Variants in ABLIM1 observed in about 807,000 individuals in gnomAD.
The protein encoded by ABLIM1 is actin binding LIM protein 1.
ABLIM1 carries 40 observed loss-of-function variants against 107.0 expected under a neutral mutation model. That is an observed-to-expected ratio of 0.37 (90% CI 0.29 to 0.49). ABLIM1 has a LOEUF of 0.49. Ranked by LOEUF, ABLIM1 falls within the 20% of genes least tolerant of loss-of-function variation. ABLIM1 has a pLI of 0.97. For missense variants in ABLIM1, 857 were observed against 1,008.5 expected (o/e 0.85, Z 2.04); for synonymous variants, 357 against 357.3 (o/e 1.00, Z 0.01).
chr10:114,521,649 C>T (rs1479721721), intron 6 of ABLIM1, among the ~76,000 whole-genome samples: 1 of 151,848 alleles, frequency 6.6e-6, no homozygotes, highest in Non-Finnish European at 1.5e-5. Flanking sequence ...GGTAGTCAAC[C>T]CCCCTCCTTT....
At chr10:114,717,566 C>T (rs2081699960) in intron 1 of ABLIM1, among the ~76,000 whole-genome samples, 1 of 152,094 alleles carries the variant, frequency 6.6e-6, no homozygotes. Flanking sequence ...TGTCAAATGT[C>T]CCCTGAGGGG....
At chr10:114,527,674 T>G (rs1445908573) in intron 6 of ABLIM1, among the ~76,000 whole-genome samples, 1 of 150,696 alleles carries the variant, frequency 6.6e-6, no homozygotes, top group Admixed American at 6.6e-5. Context: ...TTTTTTTTTT[T>G]TTTGAGATGG....
chr10:114,643,736 C>A lies in ABLIM1; in HGVS notation c.244+14221G>T, dbSNP rs775392125. Reference sequence around the variant, plus strand: ...GGACCACAGACATGCATCATTATATCCAGCTAATTTTTAAATTTTTTTAGA... The same window carrying A: ...GGACCACAGACATGCATCATTATATACAGCTAATTTTTAAATTTTTTTAGA... On this transcript the variant is annotated intron_variant, in intron 1 of 22. Coordinates refer to ENST00000533213, the MANE Select transcript of ABLIM1 (RefSeq NM_002313.7). Among the ~76,000 whole-genome samples the A allele has an allele frequency of 3.6e-4, 55 of 151,892 alleles. 1 individual carries two copies. The highest frequency in any genetic ancestry group is 3.2e-3 in the Middle Eastern group (1 of 316).
the ABLIM1 span, among the ~76,000 whole-genome samples, chr10:114,797,563 C>G: frequency 6.6e-6 from 1 of 152,094 alleles, no homozygotes; most frequent in Non-Finnish European, 1.5e-5. Context: ...TTTTTTTAAC[C>G]CAGTGCAATC....
At chr10:114,657,901 T>G in intron 1 of ABLIM1, 56 bp downstream of exon 1, 3 of 1,432,340 alleles carry the variant, frequency 2.1e-6, no homozygotes, top group Non-Finnish European at 2.9e-6. Context: ...AGTACTCTCT[T>G]AATTACGCCA....
chr10:114,696,576 C>T (rs1185613605), intron 1 of ABLIM1, among the ~76,000 whole-genome samples: 5 of 152,134 alleles, frequency 3.3e-5, no homozygotes, highest in Admixed American at 2.0e-4. Context: ...GGGGCAGTTT[C>T]CCCCATACTG....
chr10:114,730,200 C>T (rs1210660739), intron 1 of ABLIM1, among the ~76,000 whole-genome samples: 2 of 152,028 alleles, frequency 1.3e-5, no homozygotes, highest in African/African-American at 4.8e-5. Flanking sequence ...GAGTTCCAGA[C>T]CAGCCTGGGA....
rs182283977 is a variant in ABLIM1, at chr10:114,531,007, C to T, written c.894+13998G>A. The stretch of plus-strand genomic sequence containing the variant: ...CCTGGTAAAAAAGTAATTAAAAATA[C>T]ACCATGAAACAATGGTAGATTGAAT... On this transcript the variant is annotated intron_variant, in intron 6 of 22. Transcript: ENST00000533213. 9.2e-5 allele frequency among the ~76,000 whole-genome samples: 14 copies of T among 152,346 alleles called. No homozygotes were observed. The East Asian group carries it at 2.3e-3, about 25-fold the overall frequency.
chr10:114,781,099 A>G, the ABLIM1 span, among the ~76,000 whole-genome samples: 1 of 152,158 alleles, frequency 6.6e-6, no homozygotes, highest in Admixed American at 6.5e-5. Flanking sequence ...CTTGCCTTTA[A>G]TGGTTTTAAA....
chr10:114,581,634 C>CA (rs1023362055), intron 2 of ABLIM1, among the ~76,000 whole-genome samples: 2 of 152,124 alleles, frequency 1.3e-5, no homozygotes, highest in African/African-American at 4.8e-5. Flanking sequence ...TTTTGAGCAA[C>CA]ATGAGCATTT....
intron 6 of ABLIM1, among the ~76,000 whole-genome samples, chr10:114,493,792 A>T (rs867326684): frequency 3.3e-5 from 5 of 152,240 alleles, no homozygotes; most frequent in Non-Finnish European, 7.3e-5. Context: ...ATATTTCTAG[A>T]TGGAGAAACT....
At chr10:114,453,728 T>C (rs1411598223) in intron 12 of ABLIM1, among the ~76,000 whole-genome samples, 3 of 152,184 alleles carry the variant, frequency 2.0e-5, no homozygotes, top group African/African-American at 7.2e-5. Flanking sequence ...AGGTGCGTCA[T>C]TCCAATGGCA....
intron 6 of ABLIM1, among the ~76,000 whole-genome samples, chr10:114,519,995 G>A (rs919738305): frequency 2.0e-5 from 3 of 152,250 alleles, no homozygotes; most frequent in African/African-American, 7.2e-5. Flanking sequence ...GTCATCTGGA[G>A]TTGTCCTGTG....
At chr10:114,781,659 TGC>T in the ABLIM1 span, among the ~76,000 whole-genome samples, 82,448 of 143,358 alleles carry the variant, frequency 0.58, 23,419 homozygotes, top group Non-Finnish European at 0.6. Flanking sequence ...TATATATATA[TGC>T]GTGTATATAT....
chr10:114,789,111 C>T, the ABLIM1 span, among the ~76,000 whole-genome samples: 3 of 151,666 alleles, frequency 2.0e-5, no homozygotes, highest in African/African-American at 4.8e-5. Context: ...AAAAATTAGC[C>T]GGGAGTGATG....
At chr10:114,616,617 G>A (rs1282914198) in intron 1 of ABLIM1, among the ~76,000 whole-genome samples, 2 of 152,314 alleles carry the variant, frequency 1.3e-5, no homozygotes, top group South Asian at 2.1e-4. Context: ...CAAGCTGGAA[G>A]ACACTGTCCA....
intron 6 of ABLIM1, among the ~76,000 whole-genome samples, chr10:114,532,905 C>T (rs2065602803): frequency 2.0e-5 from 3 of 152,160 alleles, no homozygotes; most frequent in Admixed American, 2.0e-4. Context: ...GTTTCTCCAC[C>T]ACCGTCAGCT....
intron 1 of ABLIM1, among the ~76,000 whole-genome samples, chr10:114,602,224 G>A (rs1304709814): frequency 2.0e-5 from 3 of 152,120 alleles, no homozygotes; most frequent in Admixed American, 6.5e-5. Flanking sequence ...ACTTCTCTAG[G>A]ATGACTTCAT....
At position 114,629,193 on chromosome 10, in the gene ABLIM1, C is replaced by A. The variant is rs1254550209; in HGVS notation, c.245-27232G>T. ...GTGCTTTCTCTCCTGCCCATGTCAG[C>A]CCCGAACCAGGTATTTTATCCTAGA... On this transcript the variant is annotated intron_variant, in intron 1 of 22. Transcript: ENST00000533213. The surrounding 1 kb of genome is among the most constrained non-coding windows in gnomAD (Gnocchi z 4.0). Among the ~76,000 whole-genome samples, 2 of 152,162 alleles carry A rather than the reference C, an allele frequency of 1.3e-5. No individual in the cohort carries two copies. The highest frequency in any genetic ancestry group is 2.4e-5 in the African/African-American group (1 of 41,428).
Sources: allele counts gnomAD v4.1 joint callset (sites outside exome capture counted in the v4.1 genomes callset), GRCh38; gene constraint gnomAD v4.1.1; non-coding constraint Gnocchi (gnomAD v3.1); transcripts MANE v1.5; gene names NCBI Gene and HGNC (gene_info 2026-07-23, HGNC 2026-07-21).